KLHL4: variants seen among roughly 807,000 people sequenced by gnomAD.
KLHL4 encodes kelch like family member 4.
In KLHL4, 17 loss-of-function variants were observed where a neutral mutation model predicts 45.8. That is an observed-to-expected ratio of 0.37 (90% CI 0.25 to 0.56). The LOEUF is 0.56. Among genes scored for constraint, KLHL4 ranks in the 20% least tolerant of loss-of-function variants. The pLI is 0.79. For synonymous variants in KLHL4, 224 were observed against 189.9 expected (o/e 1.18, Z -1.47); for missense variants, 544 against 544.9 (o/e 1.00, Z 0.02).
chrX:87,649,259 C>T (rs1923732026), intron 9 of KLHL4, among the ~76,000 whole-genome samples: 1 of 111,470 alleles, frequency 9.0e-6, no homozygotes, highest in Non-Finnish European at 1.9e-5. Flanking sequence ...ATTCTAGTTA[C>T]CTCATAAAAG....
At chrX:87,525,923 T>A (rs987941549) in intron 1 of KLHL4, among the ~76,000 whole-genome samples, 1 of 111,337 alleles carries the variant, frequency 9.0e-6, no homozygotes, top group Non-Finnish European at 1.9e-5. Flanking sequence ...AGAATGTGTG[T>A]CTTGCCCTCC....
chrX:87,664,891 A>G lies in KLHL4; in HGVS notation c.2053A>G (p.Asn685Asp). The G allele has an allele frequency of 1.0e-5, 12 of 1,197,671 alleles. No homozygotes were observed. The highest frequency in any genetic ancestry group is 1.2e-5 in the Non-Finnish European group (11 of 883,544). The change falls in exon 10 of 11, where the codon AAC becomes GAC. Residue 685 changes from asparagine (N) to aspartate (D), a missense_variant. Transcript: ENST00000373119. ...VGGYDGHTYL[N>D]TVESYDAQRN... ...AGGATATGACGGACATACTTATTTG[A>G]ACACAGTTGAGTCATATGATGCACA... is the stretch of plus-strand genomic sequence containing the variant.
chrX:87,632,415 A>C lies in KLHL4; in HGVS notation c.1530A>C (p.Ser510=). The C allele has an allele frequency of 8.4e-7, 1 of 1,196,144 alleles. No homozygotes were observed. The highest frequency in any genetic ancestry group is 1.1e-6 in the Non-Finnish European group (1 of 881,437). The change falls in exon 7 of 11, where the codon TCA becomes TCC. Residue 510 remains serine (S), a synonymous_variant. Coordinates refer to ENST00000373119, the MANE Select transcript of KLHL4 (RefSeq NM_019117.5). ...GKIWTVMPPM[S]THRHGLGVAT... ...TCTGGACTGTGATGCCTCCCATGTC[A>C]ACACATCGGCACGGCTTAGGTAAGA...
chrX:87,555,080 G>A (rs1351597359), intron 1 of KLHL4, among the ~76,000 whole-genome samples: 2 of 97,794 alleles, frequency 2.0e-5, no homozygotes, highest in Non-Finnish European at 4.0e-5. Context: ...CCTTGATAAT[G>A]GTGGATAAGC....
intron 1 of KLHL4, among the ~76,000 whole-genome samples, chrX:87,607,454 G>A (rs1922234254): frequency 9.0e-6 from 1 of 111,244 alleles, no homozygotes; most frequent in African/African-American, 3.3e-5. Flanking sequence ...TCCTCAGTTC[G>A]CTACTTACCC....
intron 9 of KLHL4, among the ~76,000 whole-genome samples, chrX:87,647,926 TAA>T (rs1330376006): frequency 9.0e-6 from 1 of 111,434 alleles, no homozygotes; most frequent in Non-Finnish European, 1.9e-5. Flanking sequence ...AATTAATCTG[TAA>T]AGAGATGATG....
chrX:87,614,708 G>A (rs1922498875), intron 3 of KLHL4, 138 bp downstream of exon 3: 2 of 506,323 alleles, frequency 4.0e-6, no homozygotes, highest in Non-Finnish European at 5.9e-6. Flanking sequence ...CAACTACAAA[G>A]GTGAGGAAAC....
intron 1 of KLHL4, among the ~76,000 whole-genome samples, chrX:87,533,106 G>A: frequency 9.2e-6 from 1 of 108,155 alleles, no homozygotes; most frequent in Non-Finnish European, 1.9e-5. Context: ...ACTGTTGGTG[G>A]GACTGTAAAC....
At chrX:87,561,298 A>C (rs1932093349) in intron 1 of KLHL4, among the ~76,000 whole-genome samples, 1 of 110,781 alleles carries the variant, frequency 9.0e-6, no homozygotes, top group Non-Finnish European at 1.9e-5. Flanking sequence ...GACAGTCTTA[A>C]ATTGCCTACA....
chrX:87,622,183 G>A, intron 4 of KLHL4, 28 bp from the exon 5 acceptor site: 1 of 1,069,171 alleles, frequency 9.4e-7, no homozygotes, highest in Non-Finnish European at 1.3e-6. Context: ...AAAGTGCAAA[G>A]TTTTAGTAGA....
chrX:87,568,249 A>C (rs1487557020), intron 1 of KLHL4, among the ~76,000 whole-genome samples: 5 of 109,922 alleles, frequency 4.5e-5, no homozygotes. Flanking sequence ...AGCAGAGGTA[A>C]ATAAATGGAA....
In KLHL4 at chrX:87,518,111, TACTGGC is replaced by T. The variant is rs746719631; in HGVS notation, c.221_226del (p.Leu74_Ala75del). The T allele has an allele frequency of 1.6e-4, 196 of 1,210,081 alleles. No homozygotes were observed. The highest frequency in any genetic ancestry group is 7.9e-4 in the South Asian group (45 of 56,823). On this transcript the variant is annotated inframe_deletion, in exon 1 of 11. Coordinates refer to ENST00000373119, the MANE Select transcript of KLHL4 (RefSeq NM_019117.5). ...AGCAACAGTCCTGTCCACCACAATA[TACTGGC>T]ACCAGTGCCAGGACCGGCCCCTGCC...
intron 1 of KLHL4, among the ~76,000 whole-genome samples, chrX:87,569,179 G>A (rs186674882): frequency 4.1e-4 from 46 of 111,371 alleles, no homozygotes; most frequent in African/African-American, 1.4e-3. Flanking sequence ...TTTCTTCAAC[G>A]AAGATATACA....
chrX:87,528,019 C>A (rs1429416706), intron 1 of KLHL4, among the ~76,000 whole-genome samples: 1 of 110,486 alleles, frequency 9.1e-6, no homozygotes, highest in African/African-American at 3.3e-5. Context: ...ACCTAGGCAT[C>A]CAAAGCCTAG....
intron 4 of KLHL4, among the ~76,000 whole-genome samples, chrX:87,621,523 T>A (rs867938774): frequency 1.0e-5 from 1 of 100,284 alleles, no homozygotes; most frequent in Non-Finnish European, 2.0e-5. Context: ...TTCACTCTAC[T>A]AAAAAAAAAA....
At chrX:87,638,853 C>T (rs778567844) in intron 9 of KLHL4, among the ~76,000 whole-genome samples, 4 of 111,249 alleles carry the variant, frequency 3.6e-5, no homozygotes, top group Admixed American at 9.5e-5. Flanking sequence ...TCAATAGTAA[C>T]GGTGAATGTA....
intron 1 of KLHL4, among the ~76,000 whole-genome samples, chrX:87,531,481 G>A (rs1378933920): frequency 1.3e-4 from 14 of 110,004 alleles, no homozygotes; most frequent in African/African-American, 4.6e-4. Flanking sequence ...GTTCTGGCCA[G>A]GGCAATTAGG....
intron 1 of KLHL4, among the ~76,000 whole-genome samples, chrX:87,577,179 T>C (rs1173146641): frequency 8.9e-6 from 1 of 112,135 alleles, no homozygotes; most frequent in Non-Finnish European, 1.9e-5. Context: ...TTACAGGTTA[T>C]GCTAAAACAT....
intron 1 of KLHL4, among the ~76,000 whole-genome samples, chrX:87,530,313 A>C (rs1255116321): frequency 9.3e-6 from 1 of 107,275 alleles, no homozygotes; most frequent in African/African-American, 3.4e-5. Context: ...GTACATGTGC[A>C]CATTGTGCAG....
Sources: allele counts gnomAD v4.1 joint callset (sites outside exome capture counted in the v4.1 genomes callset), GRCh38; gene constraint gnomAD v4.1.1; transcripts MANE v1.5; gene names NCBI Gene and HGNC (gene_info 2026-07-23, HGNC 2026-07-21).